Variants in ARK2N observed in about 807,000 individuals in gnomAD.
ARK2N encodes the protein arkadia (RNF111) N-terminal like PKA signaling regulator 2N, also known as protein ARK2N.
the ARK2N span, chr18:46,263,268 C>A: frequency 4.1e-5 from 28 of 686,162 alleles, no homozygotes; most frequent in Non-Finnish European, 6.1e-5. Context: ...CCTCTTCCCC[C>A]CTTTTTTTAA....
chr18:46,211,699 A>G, the ARK2N span, among the ~76,000 whole-genome samples: 1 of 152,176 alleles, frequency 6.6e-6, no homozygotes. Flanking sequence ...GATGAGCTCT[A>G]GTACTCATGT....
chr18:46,204,940 TA>T, the ARK2N span, among the ~76,000 whole-genome samples: 15 of 146,256 alleles, frequency 1.0e-4, no homozygotes, highest in South Asian at 2.1e-4. Context: ...TTTTTTTTTT[TA>T]TTTTTTTTAT....
chr18:46,197,044 G>A, the ARK2N span, among the ~76,000 whole-genome samples: 31 of 152,096 alleles, frequency 2.0e-4, no homozygotes, highest in African/African-American at 4.1e-4. Flanking sequence ...TACTTCTGCC[G>A]TCTTCTATTA....
the ARK2N span, among the ~76,000 whole-genome samples, chr18:46,254,546 G>GA: frequency 1.3e-4 from 19 of 150,604 alleles, no homozygotes; most frequent in Middle Eastern, 3.4e-3. Context: ...TGGCTGGTGG[G>GA]AAAAAAAAAT....
At chr18:46,240,568 C>T in the ARK2N span, among the ~76,000 whole-genome samples, 1 of 152,188 alleles carries the variant, frequency 6.6e-6, no homozygotes, top group Non-Finnish European at 1.5e-5. Flanking sequence ...GATAGGGAAT[C>T]GTTGAATCTC....
chr18:46,190,300 A>T, the ARK2N span, among the ~76,000 whole-genome samples: 4 of 152,068 alleles, frequency 2.6e-5, no homozygotes. Flanking sequence ...CGGGTGGATC[A>T]CATGAAGTCG....
the ARK2N span, among the ~76,000 whole-genome samples, chr18:46,235,070 A>T: frequency 1.1e-4 from 17 of 152,300 alleles, no homozygotes; most frequent in South Asian, 3.5e-3. Context: ...GGTTACAAGA[A>T]TTATTCCTGT....
At chr18:46,201,079 A>G in the ARK2N span, among the ~76,000 whole-genome samples, 1 of 151,182 alleles carries the variant, frequency 6.6e-6, no homozygotes, top group East Asian at 1.9e-4. Flanking sequence ...TCCTGGTTCA[A>G]GTGATCCTCC....
chr18:46,193,414 C>T, the ARK2N span, among the ~76,000 whole-genome samples: 1,876 of 150,934 alleles, frequency 0.012, 47 homozygotes, highest in African/African-American at 0.044. Context: ...CTCAGCCTCC[C>T]GAGTAGCTGG....
chr18:46,263,117 A>G, the ARK2N span: 1 of 1,604,546 alleles, frequency 6.2e-7, no homozygotes, highest in Non-Finnish European at 8.5e-7. Context: ...TACCTACTGT[A>G]ATACAATGTC....
At chr18:46,200,068 G>T in the ARK2N span, among the ~76,000 whole-genome samples, 2 of 149,916 alleles carry the variant, frequency 1.3e-5, no homozygotes, top group African/African-American at 2.5e-5. Flanking sequence ...ATTCTTTATT[G>T]TGTGTGTGTG....
At chr18:46,204,983 G>A in the ARK2N span, among the ~76,000 whole-genome samples, 9 of 146,402 alleles carry the variant, frequency 6.1e-5, no homozygotes, top group Admixed American at 1.4e-4. Flanking sequence ...TTGCCCTGTC[G>A]CCCAGGCTGG....
the ARK2N span, among the ~76,000 whole-genome samples, chr18:46,257,694 T>C: frequency 1.3e-5 from 2 of 152,048 alleles, no homozygotes; most frequent in African/African-American, 4.8e-5. Flanking sequence ...GGTCCTGTTA[T>C]TTTTTCCTTC....
At chr18:46,222,732 T>C in the ARK2N span, among the ~76,000 whole-genome samples, 1 of 152,196 alleles carries the variant, frequency 6.6e-6, no homozygotes, top group Non-Finnish European at 1.5e-5. Context: ...TAGAGCAGTT[T>C]TAAGTTCGTA....
At chr18:46,177,885 A>G in the ARK2N span, among the ~76,000 whole-genome samples, 1 of 152,170 alleles carries the variant, frequency 6.6e-6, no homozygotes, top group Admixed American at 6.6e-5. Context: ...CCTGGGCAAC[A>G]AAGTGAGACC....
the ARK2N span, among the ~76,000 whole-genome samples, chr18:46,258,135 C>T: frequency 9.9e-5 from 15 of 151,988 alleles, no homozygotes; most frequent in Non-Finnish European, 1.9e-4. Flanking sequence ...CATGTTGCCC[C>T]GGCTGGTCGC....
the ARK2N span, among the ~76,000 whole-genome samples, chr18:46,257,882 G>A: frequency 6.6e-6 from 1 of 151,834 alleles, no homozygotes; most frequent in African/African-American, 2.4e-5. Flanking sequence ...AGTAATTGGT[G>A]TAGGAAGCTG....
chr18:46,237,158 C>T, the ARK2N span, among the ~76,000 whole-genome samples: 62 of 152,148 alleles, frequency 4.1e-4, no homozygotes, highest in Middle Eastern at 3.4e-3. Context: ...CCACCATGCT[C>T]AGTCAGCTTC....
chr18:46,253,889 T>C, the ARK2N span: 1 of 1,500,374 alleles, frequency 6.7e-7, no homozygotes, highest in African/African-American at 1.4e-5. Flanking sequence ...AGAAAACAAG[T>C]TAAAAGAAAA....
Sources: allele counts gnomAD v4.1 joint callset (sites outside exome capture counted in the v4.1 genomes callset), GRCh38; gene constraint gnomAD v4.1.1; transcripts MANE v1.5; gene names NCBI Gene and HGNC (gene_info 2026-07-23, HGNC 2026-07-21).